ADGRL3: variants seen among roughly 807,000 people sequenced by gnomAD.
The protein encoded by ADGRL3 is adhesion G protein-coupled receptor L3.
ADGRL3 carries 62 observed loss-of-function variants against 153.5 expected under a neutral mutation model. That is an observed-to-expected ratio of 0.40 (90% confidence interval 0.33 to 0.50). The LOEUF (loss-of-function observed/expected upper bound fraction) is 0.50, where lower values mean the gene tolerates loss of function less well. Among genes scored for constraint, ADGRL3 ranks in the 20% least tolerant of loss-of-function variants. ADGRL3 has a pLI of 0.47. For synonymous variants in ADGRL3, 710 were observed against 672.5 expected (o/e 1.06, Z -0.86); for missense variants, 1,641 against 1,859.4 (o/e 0.88, Z 2.16).
At chr4:61,296,399 G>T (rs2150257259) in intron 1 of ADGRL3, among the ~76,000 whole-genome samples, 1 of 152,256 alleles carries the variant, frequency 6.6e-6, no homozygotes, top group Non-Finnish European at 1.5e-5. Flanking sequence ...GCCCTTTCAT[G>T]GTAAATGTCT....
chr4:61,326,605 G>A (rs1233063211), intron 1 of ADGRL3, among the ~76,000 whole-genome samples: 10 of 150,398 alleles, frequency 6.6e-5, no homozygotes, highest in Non-Finnish European at 1.3e-4. Flanking sequence ...GATAATGTGT[G>A]TGTGTGTGTG....
chr4:61,930,254 T>G (rs2098812397), intron 13 of ADGRL3, among the ~76,000 whole-genome samples: 1 of 152,114 alleles, frequency 6.6e-6, no homozygotes, highest in Admixed American at 6.6e-5. Context: ...GGGTATTTAT[T>G]TTTACGTTTT....
chr4:61,796,025 T>C (rs979466828), intron 8 of ADGRL3, among the ~76,000 whole-genome samples: 1 of 152,114 alleles, frequency 6.6e-6, no homozygotes, highest in Non-Finnish European at 1.5e-5. Flanking sequence ...GTATCTTTAG[T>C]AGAGACAGGG....
At chr4:61,278,902 C>T (rs2093604430) in intron 1 of ADGRL3, among the ~76,000 whole-genome samples, 1 of 152,196 alleles carries the variant, frequency 6.6e-6, no homozygotes, top group Non-Finnish European at 1.5e-5. Context: ...AGTACAATAT[C>T]AAAGCTTAAT....
chr4:61,604,389 T>A (rs1295371477), intron 5 of ADGRL3, among the ~76,000 whole-genome samples: 1 of 152,216 alleles, frequency 6.6e-6, no homozygotes, highest in African/African-American at 2.4e-5. Context: ...TTTCTGGTAT[T>A]ATTGCTCTGG....
chr4:61,858,938 T>C (rs1166212965), intron 9 of ADGRL3, among the ~76,000 whole-genome samples: 1 of 152,148 alleles, frequency 6.6e-6, no homozygotes, highest in African/African-American at 2.4e-5. Context: ...GATAAAAGGA[T>C]GGCTAGGATA....
intron 15 of ADGRL3, among the ~76,000 whole-genome samples, chr4:61,939,879 C>G (rs2098872995): frequency 6.6e-6 from 1 of 152,086 alleles, no homozygotes; most frequent in South Asian, 2.1e-4. Flanking sequence ...GATGATGTTC[C>G]ACGTATCAAT....
At chr4:61,964,433 A>G (rs1301381576) in intron 17 of ADGRL3, among the ~76,000 whole-genome samples, 4 of 152,182 alleles carry the variant, frequency 2.6e-5, no homozygotes. Flanking sequence ...TTTTATCTAC[A>G]TCTAATCAGG....
At chr4:61,862,428 C>T (rs568935177) in intron 9 of ADGRL3, among the ~76,000 whole-genome samples, 14 of 152,282 alleles carry the variant, frequency 9.2e-5, no homozygotes, top group African/African-American at 3.4e-4. Flanking sequence ...CTTTTTAACT[C>T]GAGTTGTTTG....
chr4:61,221,788 G>A (rs1437036350), intron 1 of ADGRL3, among the ~76,000 whole-genome samples: 2 of 151,992 alleles, frequency 1.3e-5, no homozygotes, highest in African/African-American at 2.4e-5. Context: ...AATTGTTGTA[G>A]CAAACCAGAT....
chr4:61,816,331 T>A (rs1350122025), intron 9 of ADGRL3, among the ~76,000 whole-genome samples: 1 of 152,176 alleles, frequency 6.6e-6, no homozygotes, highest in Non-Finnish European at 1.5e-5. Flanking sequence ...ACAGGCTGGT[T>A]AGTTTTGCAG....
intron 2 of ADGRL3, among the ~76,000 whole-genome samples, chr4:61,391,613 G>A (rs2096803070): frequency 6.6e-6 from 1 of 152,046 alleles, no homozygotes; most frequent in African/African-American, 2.4e-5. Context: ...TGGTCATATA[G>A]TAAGTCTATC....
chr4:62,014,069 G>A (rs965866117), intron 21 of ADGRL3, among the ~76,000 whole-genome samples: 1 of 152,038 alleles, frequency 6.6e-6, no homozygotes, highest in African/African-American at 2.4e-5. Flanking sequence ...GGGTGATAAT[G>A]TAGTGAAAAG....
At chr4:61,300,858 C>T (rs560811651) in intron 1 of ADGRL3, among the ~76,000 whole-genome samples, 1 of 151,174 alleles carries the variant, frequency 6.6e-6, no homozygotes, top group Non-Finnish European at 1.5e-5. Flanking sequence ...CTCCGCCTCA[C>T]GGGTTCAAGC....
chr4:61,871,007 G>A (rs558726379), intron 9 of ADGRL3, among the ~76,000 whole-genome samples: 4 of 152,294 alleles, frequency 2.6e-5, no homozygotes, highest in East Asian at 1.9e-4. Flanking sequence ...GGCCGGGCAC[G>A]GTGGCTCATG....
chr4:61,706,096 A>G (rs2095852934), intron 6 of ADGRL3, among the ~76,000 whole-genome samples: 1 of 152,118 alleles, frequency 6.6e-6, no homozygotes, highest in African/African-American at 2.4e-5. Context: ...CTATCTAGCT[A>G]GGAAAGTCCT....
chr4:61,267,424 C>T (rs1420055751), intron 1 of ADGRL3, among the ~76,000 whole-genome samples: 4 of 151,628 alleles, frequency 2.6e-5, no homozygotes, highest in Non-Finnish European at 4.4e-5. Context: ...CAAGCACCTT[C>T]CTATTTTCCA....
intron 17 of ADGRL3, among the ~76,000 whole-genome samples, chr4:61,978,366 T>C (rs182713624): frequency 2.0e-5 from 3 of 152,264 alleles, no homozygotes; most frequent in African/African-American, 4.8e-5. Flanking sequence ...TTTTTGTGTA[T>C]TATCCATGTT....
intron 5 of ADGRL3, among the ~76,000 whole-genome samples, chr4:61,613,908 A>G (rs974918371): frequency 1.3e-5 from 2 of 152,184 alleles, no homozygotes; most frequent in African/African-American, 4.8e-5. Context: ...CAAGATTCCA[A>G]CTGTGAAGAA....
Sources: gnomAD v4.1 joint callset for allele counts (sites outside exome capture counted in the v4.1 genomes callset) on GRCh38, gnomAD v4.1.1 for gene constraint, MANE v1.5 for transcripts, NCBI Gene and HGNC (gene_info 2026-07-23, HGNC 2026-07-21) for gene names.